Variants in PPARA observed in about 807,000 individuals in gnomAD.
The protein encoded by PPARA is peroxisome proliferator-activated receptor alpha.
In PPARA, 22 loss-of-function variants were observed where a neutral mutation model predicts 42.2. The observed-to-expected ratio is 0.52, with a 90% confidence interval of 0.37 to 0.74. PPARA has a LOEUF of 0.74. Among genes scored for constraint, PPARA ranks in the 30% least tolerant of loss-of-function variants. PPARA has a pLI of 0.00. For synonymous variants in PPARA, 242 were observed against 239.3 expected (o/e 1.01, Z -0.10); for missense variants, 465 against 608.2 (o/e 0.76, Z 2.48).
chr22:46,153,589 C>T (rs187107294), intron 2 of PPARA, among the ~76,000 whole-genome samples: 98 of 151,898 alleles, frequency 6.5e-4, no homozygotes, highest in African/African-American at 2.2e-3. Flanking sequence ...GTGTATCAGC[C>T]GGGTGCGGTG....
At position 46,180,132 on chromosome 22, in the gene PPARA, C is replaced by G. The variant is rs901941155; in HGVS notation, c.-43+3296C>G. On this transcript the variant is annotated intron_variant, in intron 3 of 8. Transcript: ENST00000407236. This position sits in a 1 kb window ranked among gnomAD's most constrained non-coding sequence, Gnocchi z 4.2. ...GCCATGATGTGCAGGAACTAGAACT[C>G]TCATCTTTGCTGACAGGAAGGTAAA... Among the ~76,000 whole-genome samples the G allele has an allele frequency of 6.6e-6, 1 of 151,714 alleles. No individual in the cohort carries two copies. Among genetic ancestry groups the G allele is most frequent in the Non-Finnish European group, 1.5e-5 (1 of 67,984 alleles).
rs1192662373 is a variant in PPARA, at chr22:46,200,651, C to T, written c.208+2060C>T. 6.6e-6 allele frequency among the ~76,000 whole-genome samples: 1 copy of T among 152,274 alleles called. No homozygotes were observed. Among genetic ancestry groups the T allele is most frequent in the African/African-American group, 2.4e-5 (1 of 41,476 alleles). On this transcript the variant is annotated intron_variant, in intron 4 of 8. Coordinates refer to ENST00000407236, the MANE Select transcript of PPARA (RefSeq NM_005036.6). The surrounding 1 kb of genome is among the most constrained non-coding windows in gnomAD (Gnocchi z 4.8). ...AGTAACTTGGCTGGGCGCAGTGGCT[C>T]ACGCCTGTAATCCCAACACTTTGGG... is the stretch of plus-strand genomic sequence containing the variant.
intron 2 of PPARA, among the ~76,000 whole-genome samples, chr22:46,174,262 G>GA (rs1928631742): frequency 2.0e-5 from 3 of 149,034 alleles, no homozygotes; most frequent in Non-Finnish European, 3.0e-5. Context: ...AGGAAGGAAG[G>GA]AAGGAAGGAA....
rs1394300778 is a variant in PPARA at position 46,162,172 on chromosome 22, A to G, written c.-127+10202A>G. On this transcript the variant is annotated intron_variant, in intron 2 of 8. Coordinates refer to ENST00000407236, the MANE Select transcript of PPARA (RefSeq NM_005036.6). The surrounding 1 kb of genome is among the most constrained non-coding windows in gnomAD (Gnocchi z 6.0). ...GCCTGTGGCTCAGTTTCCCTCAGCT[A>G]CAAGAGGGGTGCATGCTAGGGTTTC... Among the ~76,000 whole-genome samples, 1 of 152,172 alleles carries G rather than the reference A, an allele frequency of 6.6e-6. No individual in the cohort carries two copies. Among genetic ancestry groups the G allele is most frequent in the Non-Finnish European group, 1.5e-5 (1 of 68,024 alleles).
chr22:46,172,078 C>T (rs1227021214), intron 2 of PPARA, among the ~76,000 whole-genome samples: 1 of 152,066 alleles, frequency 6.6e-6, no homozygotes, highest in Non-Finnish European at 1.5e-5. Flanking sequence ...TTGGGTGATA[C>T]CTGTCCCTGG....
Position 46,182,963 on chromosome 22 carries a change from T to A in PPARA, c.-43+6127T>A, listed in dbSNP as rs995414951. The stretch of plus-strand genomic sequence containing the variant: ...TTTCGCCATGATTGCCAGGCTGGTC[T>A]TGAACTCCTGACCTCAGGTGATCCA... On this transcript the variant is annotated intron_variant, in intron 3 of 8. Transcript: ENST00000407236. The surrounding 1 kb of genome is among the most constrained non-coding windows in gnomAD (Gnocchi z 5.2). 5.9e-5 allele frequency among the ~76,000 whole-genome samples: 9 copies of A among 152,196 alleles called. No individual in the cohort carries two copies. Among genetic ancestry groups the A allele is most frequent in the African/African-American group, 1.9e-4 (8 of 41,458 alleles).
In PPARA at chr22:46,230,371, C is replaced by CAAA. The variant is rs148446078; in HGVS notation, c.712-1413_712-1411dup. 0.011 allele frequency among the ~76,000 whole-genome samples: 1,659 copies of CAAA among 149,192 alleles called. 25 individuals carry two copies. The highest frequency in any genetic ancestry group is 0.037 in the African/African-American group (1,526 of 40,940). On this transcript the variant is annotated intron_variant, in intron 7 of 8. Coordinates refer to ENST00000407236, the MANE Select transcript of PPARA (RefSeq NM_005036.6). This position sits in a 1 kb window ranked among gnomAD's most constrained non-coding sequence, Gnocchi z 5.0. ...GGGCAACAAGAGCAAAACTCTGTCT[C>CAAA]AAAAAAAAAAGAAATAACACCTTAG...
At chr22:46,217,523 T>C (rs1012207668) in intron 5 of PPARA, among the ~76,000 whole-genome samples, 3 of 152,200 alleles carry the variant, frequency 2.0e-5, no homozygotes, top group Non-Finnish European at 4.4e-5. Context: ...GGCTTCCTTT[T>C]ATTATAATTT....
Position 46,240,872 on chromosome 22 carries a change from C to T in PPARA, c.*5492C>T, listed in dbSNP as rs1257141265. 2 of 152,214 alleles carry T rather than the reference C, an allele frequency of 1.3e-5. No homozygotes were observed. The highest frequency in any genetic ancestry group is 2.9e-5 in the Non-Finnish European group (2 of 68,056). 9.4% of individuals were successfully genotyped at this position (152,214 alleles called of 1,614,324 possible). A position where few individuals can be genotyped will look rare whatever the true frequency, so the allele number is the denominator to read the frequency against. On this transcript the variant is annotated 3_prime_UTR_variant, in exon 9 of 9. Transcript: ENST00000407236. The surrounding 1 kb of genome is among the most constrained non-coding windows in gnomAD (Gnocchi z 6.0). ...GCTGTGTGCACCTCCCTAATGGCAGCGATGATGGCTGCTGTCATTCAAGCC... is the reference window on the plus strand; with the variant it reads ...GCTGTGTGCACCTCCCTAATGGCAGTGATGATGGCTGCTGTCATTCAAGCC...
At chr22:46,197,414 A>G (rs1379375227) in intron 3 of PPARA, among the ~76,000 whole-genome samples, 1 of 152,194 alleles carries the variant, frequency 6.6e-6, no homozygotes, top group East Asian at 1.9e-4. Flanking sequence ...GAGCTGCGAC[A>G]GCTGCGCAGT....
Position 46,182,220 on chromosome 22 carries a change from AAAAAG to A in PPARA, c.-43+5388_-43+5392del, listed in dbSNP as rs1930064188. ...CCCACTCCTAAGTATTTGGCCAAGA[AAAAAG>A]AAAGCATATATTCCATACAGAGTCT... On this transcript the variant is annotated intron_variant, in intron 3 of 8. Transcript: ENST00000407236. The surrounding 1 kb of genome is among the most constrained non-coding windows in gnomAD (Gnocchi z 5.2). 6.6e-6 allele frequency among the ~76,000 whole-genome samples: 1 copy of A among 152,232 alleles called. No homozygotes were observed. The highest frequency in any genetic ancestry group is 6.5e-5 in the Admixed American group (1 of 15,286).
chr22:46,162,159 G>C lies in PPARA; in HGVS notation c.-127+10189G>C, dbSNP rs1050302673. On this transcript the variant is annotated intron_variant, in intron 2 of 8. Transcript: ENST00000407236. This position sits in a 1 kb window ranked among gnomAD's most constrained non-coding sequence, Gnocchi z 6.0. ...GATTTTTCAGCTGGCCTGTGGCTCAGTTTCCCTCAGCTACAAGAGGGGTGC... is the reference window on the plus strand; with the variant it reads ...GATTTTTCAGCTGGCCTGTGGCTCACTTTCCCTCAGCTACAAGAGGGGTGC... Among the ~76,000 whole-genome samples the C allele has an allele frequency of 3.9e-5, 6 of 152,192 alleles. No individual in the cohort carries two copies. The highest frequency in any genetic ancestry group is 7.3e-5 in the Non-Finnish European group (5 of 68,038).
At position 46,225,461 on chromosome 22, in the gene PPARA, G is replaced by C. The variant is rs1478989921; in HGVS notation, c.711+5447G>C. ...ACAGAAAATGAGACTGAGGGGCTTGGGCAGAGTCAGTGCCTTCTGTGTGAT... is the reference window on the plus strand; with the variant it reads ...ACAGAAAATGAGACTGAGGGGCTTGCGCAGAGTCAGTGCCTTCTGTGTGAT... On this transcript the variant is annotated intron_variant, in intron 7 of 8. Transcript: ENST00000407236. The surrounding 1 kb of genome is among the most constrained non-coding windows in gnomAD (Gnocchi z 4.1). Among the ~76,000 whole-genome samples, 1 of 152,100 alleles carries C rather than the reference G, an allele frequency of 6.6e-6. No homozygotes were observed. Among genetic ancestry groups the C allele is most frequent in the Non-Finnish European group, 1.5e-5 (1 of 68,012 alleles).
intron 2 of PPARA, among the ~76,000 whole-genome samples, chr22:46,152,568 G>T (rs1569177393): frequency 6.6e-6 from 1 of 152,148 alleles, no homozygotes; most frequent in African/African-American, 2.4e-5. Context: ...CTAGACCCTT[G>T]GGATGTCCAC....
chr22:46,193,580 C>T lies in PPARA; in HGVS notation c.-42-4762C>T, dbSNP rs988129964. Among the ~76,000 whole-genome samples the T allele has an allele frequency of 6.6e-6, 1 of 151,898 alleles. No homozygotes were observed. Among genetic ancestry groups the T allele is most frequent in the Non-Finnish European group, 1.5e-5 (1 of 67,996 alleles). ...AAATATATACACTGAGTATATACCA[C>T]AAATATTTTAAATAATTTTTAAAAT... On this transcript the variant is annotated intron_variant, in intron 3 of 8. Transcript: ENST00000407236. The surrounding 1 kb of genome is among the most constrained non-coding windows in gnomAD (Gnocchi z 5.3).
At chr22:46,199,498 G>T (rs1932757844) in intron 4 of PPARA, among the ~76,000 whole-genome samples, 1 of 152,044 alleles carries the variant, frequency 6.6e-6, no homozygotes, top group South Asian at 2.1e-4. Context: ...AAAAAAATTA[G>T]CCAGGCATGG....
Position 46,184,244 on chromosome 22 carries a change from G to T in PPARA, c.-43+7408G>T, listed in dbSNP as rs1299058426. On this transcript the variant is annotated intron_variant, in intron 3 of 8. Coordinates refer to ENST00000407236, the MANE Select transcript of PPARA (RefSeq NM_005036.6). This position sits in a 1 kb window ranked among gnomAD's most constrained non-coding sequence, Gnocchi z 4.4. The stretch of plus-strand genomic sequence containing the variant: ...AGTGCAAATTAAACACAAGCAACCT[G>T]CAACACGCCACTGCAAGTTGGATGT... Among the ~76,000 whole-genome samples, 1 of 152,162 alleles carries T rather than the reference G, an allele frequency of 6.6e-6. No homozygotes were observed. The highest frequency in any genetic ancestry group is 1.5e-5 in the Non-Finnish European group (1 of 68,036).
rs1930948731 is a variant in PPARA, at chr22:46,187,264, A to T, written c.-43+10428A>T. On this transcript the variant is annotated intron_variant, in intron 3 of 8. Coordinates refer to ENST00000407236, the MANE Select transcript of PPARA (RefSeq NM_005036.6). This position sits in a 1 kb window ranked among gnomAD's most constrained non-coding sequence, Gnocchi z 4.9. Reference sequence around the variant, plus strand: ...TAAACACCATTTTAAAACTGAACTCATGGCCAGGTGCATTGGCTCATGCCT... The same window carrying T: ...TAAACACCATTTTAAAACTGAACTCTTGGCCAGGTGCATTGGCTCATGCCT... Among the ~76,000 whole-genome samples, 1 of 152,218 alleles carries T rather than the reference A, an allele frequency of 6.6e-6. No individual in the cohort carries two copies. The highest frequency in any genetic ancestry group is 2.1e-4 in the South Asian group (1 of 4,836).
chr22:46,198,940 T>C (rs1171850510), intron 4 of PPARA, among the ~76,000 whole-genome samples: 1 of 152,146 alleles, frequency 6.6e-6, no homozygotes, highest in Non-Finnish European at 1.5e-5. Context: ...ATTATAGGCG[T>C]GAGCCACCGC....
Sources: allele counts gnomAD v4.1 joint callset (sites outside exome capture counted in the v4.1 genomes callset), GRCh38; gene constraint gnomAD v4.1.1; non-coding constraint Gnocchi (gnomAD v3.1); transcripts MANE v1.5; gene names NCBI Gene and HGNC (gene_info 2026-07-23, HGNC 2026-07-21).